CXXC4: variants seen among roughly 807,000 people sequenced by gnomAD.
The protein encoded by CXXC4 is CXXC finger protein 4.
CXXC4 carries 5 observed loss-of-function variants against 20.5 expected under a neutral mutation model. The ratio of observed to expected loss-of-function variants is 0.24; its 90% CI spans 0.13 to 0.51. CXXC4 has a LOEUF of 0.51. Ranked by LOEUF, CXXC4 falls within the 20% of genes least tolerant of loss-of-function variation. CXXC4 has a pLI of 0.97. For synonymous variants in CXXC4, 250 were observed against 216.4 expected (o/e 1.16, Z -1.36); for missense variants, 419 against 496.4 (o/e 0.84, Z 1.48).
chr4:104,476,304 T>C (rs1736403553), intron 2 of CXXC4, among the ~76,000 whole-genome samples: 1 of 152,222 alleles, frequency 6.6e-6, no homozygotes, highest in Non-Finnish European at 1.5e-5. Flanking sequence ...GATTTTAGCA[T>C]GTTTCTCTTC....
At chr4:104,486,049 G>C (rs1560542300) in intron 2 of CXXC4, among the ~76,000 whole-genome samples, 3 of 151,670 alleles carry the variant, frequency 2.0e-5, no homozygotes, top group Non-Finnish European at 4.4e-5. Context: ...CTTATATTTT[G>C]TTTGATGATG....
chr4:104,481,987 T>C (rs1736569309), intron 2 of CXXC4, among the ~76,000 whole-genome samples: 1 of 152,250 alleles, frequency 6.6e-6, no homozygotes, highest in African/African-American at 2.4e-5. Context: ...GCTAGATTAA[T>C]GTTTTTCAAA....
chr4:104,491,790 C>G lies in CXXC4; in HGVS notation c.13G>C (p.Val5Leu). 2.0e-6 allele frequency: 3 copies of G among 1,511,144 alleles called. No individual in the cohort carries two copies. Among genetic ancestry groups the G allele is most frequent in the Non-Finnish European group, 2.7e-6 (3 of 1,127,920 alleles). 93.6% of individuals were successfully genotyped at this position (1,511,144 alleles called of 1,614,324 possible). MNTN[V>L]CVEPGPSPEA... ...GGGCTCGGCCCGGGCTCCACGCAGA[C>G]ATTGGTGTTCATGGTGCAGGGGGGG... Residue 5 changes from valine (V) to leucine (L), a missense_variant, in exon 2 of 3, where the codon GTC (valine) becomes CTC (leucine). This residue lies in a region of CXXC4 where 388 missense variants were observed against 416.0 expected (regional missense o/e 0.93). Transcript: ENST00000394767.
In CXXC4 at chr4:104,470,326, A is replaced by C. The variant is rs1736235398; in HGVS notation, c.*1996T>G. 6.6e-6 allele frequency: 1 copy of C among 152,034 alleles called. No homozygotes were observed. Among genetic ancestry groups the C allele is most frequent in the Non-Finnish European group, 1.5e-5 (1 of 67,978 alleles). The allele number at this position is 152,034 out of a possible 1,614,324, so 9.4% of individuals were successfully genotyped here. A position where few individuals can be genotyped will look rare whatever the true frequency, so the allele number is the denominator to read the frequency against. On this transcript the variant is annotated 3_prime_UTR_variant, in exon 3 of 3. Transcript: ENST00000394767. Reference sequence around the variant, plus strand: ...TTTAGCTTGTAATCATTTAATTCTCATCTCTAAATATGGATGGGTGTAACA... The same window carrying C: ...TTTAGCTTGTAATCATTTAATTCTCCTCTCTAAATATGGATGGGTGTAACA...
At chr4:104,494,397 G>A (rs1415529776) in intron 1 of CXXC4, 2 of 152,056 alleles carry the variant, frequency 1.3e-5, no homozygotes, top group Non-Finnish European at 2.9e-5. Flanking sequence ...ATACAGCGAC[G>A]CTTTTTCTTG....
chr4:104,477,652 G>C (rs966032959), intron 2 of CXXC4, among the ~76,000 whole-genome samples: 1 of 151,768 alleles, frequency 6.6e-6, no homozygotes, highest in Non-Finnish European at 1.5e-5. Context: ...AATAATATAA[G>C]AGAACTATTA....
Position 104,491,662 on chromosome 4 carries a change from G to C in CXXC4, c.141C>G (p.Thr47=). ...CGCCCCCGTTGGTCTTGTAGAAGGAGGTGGCAAAGGAGCGGTAGCGCTCCA... is the reference window on the plus strand; with the variant it reads ...CGCCCCCGTTGGTCTTGTAGAAGGACGTGGCAAAGGAGCGGTAGCGCTCCA... ...SEMERYRSFA[T]SFYKTNGGAF... is the part of the protein sequence containing the mutation. The change falls in exon 2 of 3, where the codon ACC becomes ACG. Residue 47 remains threonine (T), a synonymous_variant. Coordinates refer to ENST00000394767, the MANE Select transcript of CXXC4 (RefSeq NM_025212.4). The C allele has an allele frequency of 5.8e-6, 9 of 1,546,984 alleles. No individual in the cohort carries two copies. The highest frequency in any genetic ancestry group is 7.9e-6 in the Non-Finnish European group (9 of 1,145,520).
chr4:104,490,262 C>T (rs902003569), intron 2 of CXXC4, among the ~76,000 whole-genome samples: 1 of 152,168 alleles, frequency 6.6e-6, no homozygotes, highest in African/African-American at 2.4e-5. Context: ...TCATTGAATA[C>T]TGCTGTGTGG....
At position 104,491,794 on chromosome 4, in the gene CXXC4, G is replaced by A; in HGVS notation, c.9C>T (p.Thr3=). The A allele has an allele frequency of 6.6e-7, 1 of 1,511,470 alleles. No individual in the cohort carries two copies. Among genetic ancestry groups the A allele is most frequent in the Non-Finnish European group, 8.9e-7 (1 of 1,128,096 alleles). 93.6% of individuals were successfully genotyped at this position (1,511,470 alleles called of 1,614,324 possible). A position where few individuals can be genotyped will look rare whatever the true frequency, so the allele number is the denominator to read the frequency against. Residue 3 remains threonine (T), a synonymous_variant, in exon 2 of 3, where the codon ACC becomes ACT. Coordinates refer to ENST00000394767, the MANE Select transcript of CXXC4 (RefSeq NM_025212.4). ...TCGGCCCGGGCTCCACGCAGACATT[G>A]GTGTTCATGGTGCAGGGGGGGAAGA... MN[T]NVCVEPGPSP...
At chr4:104,488,497 T>C (rs4129288) in intron 2 of CXXC4, among the ~76,000 whole-genome samples, 102,130 of 152,160 alleles carry the variant, frequency 0.67, 35,976 homozygotes, top group African/African-American at 0.88. Flanking sequence ...AGCCAAATAG[T>C]ATTCCGCTAA....
chr4:104,472,300 G>C lies in CXXC4; in HGVS notation c.*22C>G. ...TTTGCCCTTCATTTCCAAATGCCTT[G>C]AAAATAAGATATACTACTGCTTTAA... On this transcript the variant is annotated 3_prime_UTR_variant, in exon 3 of 3. Transcript: ENST00000394767. The C allele has an allele frequency of 6.4e-7, 1 of 1,554,766 alleles. No individual in the cohort carries two copies. The highest frequency in any genetic ancestry group is 8.8e-7 in the Non-Finnish European group (1 of 1,140,580).
chr4:104,494,372 CTAAT>C (rs1350737800), intron 1 of CXXC4: 1 of 152,052 alleles, frequency 6.6e-6, no homozygotes, highest in East Asian at 1.9e-4. Flanking sequence ...CGGGTGCAGA[CTAAT>C]TAATAAATTA....
chr4:104,481,128 A>T (rs1017652039), intron 2 of CXXC4, among the ~76,000 whole-genome samples: 11 of 152,196 alleles, frequency 7.2e-5, no homozygotes. Flanking sequence ...TGAGTCAAGG[A>T]ATCCTAAGGC....
intron 2 of CXXC4, among the ~76,000 whole-genome samples, chr4:104,489,064 C>T (rs116649418): frequency 1.7e-3 from 263 of 152,150 alleles, no homozygotes; most frequent in African/African-American, 5.8e-3. Context: ...TAAATTAATC[C>T]GGCAAAGAAG....
At chr4:104,490,120 TAC>T (rs1241930704) in intron 2 of CXXC4, among the ~76,000 whole-genome samples, 5 of 152,224 alleles carry the variant, frequency 3.3e-5, no homozygotes, top group South Asian at 4.1e-4. Context: ...ATCCGCTTCC[TAC>T]ACAGTTTCAG....
intron 2 of CXXC4, among the ~76,000 whole-genome samples, chr4:104,481,251 C>T (rs956036423): frequency 1.9e-4 from 29 of 152,008 alleles, no homozygotes; most frequent in African/African-American, 9.7e-5. Context: ...ATAGGGAGGC[C>T]GGGTGTTGTG....
intron 2 of CXXC4, among the ~76,000 whole-genome samples, chr4:104,489,354 CTG>C: frequency 6.7e-6 from 1 of 150,246 alleles, no homozygotes; most frequent in Non-Finnish European, 1.5e-5. Flanking sequence ...AAAAAAAAAA[CTG>C]TATCTTCTTT....
In CXXC4 at chr4:104,491,812, G is replaced by A. The variant is rs1560545309; in HGVS notation, c.-10C>T. On this transcript the variant is annotated 5_prime_UTR_variant, in exon 2 of 3. Transcript: ENST00000394767. ...AGACATTGGTGTTCATGGTGCAGGG[G>A]GGGAAGAAGGGGTGCAGGGTGGAAG... 1 of 1,421,782 alleles carries A rather than the reference G, an allele frequency of 7.0e-7. No homozygotes were observed. 88.1% of individuals were successfully genotyped at this position (1,421,782 alleles called of 1,614,324 possible).
rs778563364 is a variant in CXXC4 at position 104,472,354 on chromosome 4, G to C, written c.1072C>G (p.Pro358Ala). 3 of 1,602,728 alleles carry C rather than the reference G, an allele frequency of 1.9e-6. No homozygotes were observed. The South Asian group carries it at 3.4e-5, about 18-fold the overall frequency. ...PGTSLERTPVPSAEAFRWFF is the reference protein window; with the variant it reads ...PGTSLERTPVASAEAFRWFF The stretch of plus-strand genomic sequence containing the variant: ...AACCATCGGAATGCTTCAGCGCTGG[G>C]AACAGGTGTTCTCTATAAAAAAAGA... The change falls in exon 3 of 3, where the codon CCC becomes GCC. Residue 358 changes from proline (P) to alanine (A), a missense_variant. Coordinates refer to ENST00000394767, the MANE Select transcript of CXXC4 (RefSeq NM_025212.4).
Sources: allele counts gnomAD v4.1 joint callset (sites outside exome capture counted in the v4.1 genomes callset), GRCh38; gene constraint gnomAD v4.1.1; regional missense constraint gnomAD v4.1.1; transcripts MANE v1.5; gene names NCBI Gene and HGNC (gene_info 2026-07-23, HGNC 2026-07-21).